The following MCTP2 variants were observed in gnomAD, a reference collection of about 807,000 sequenced individuals.
MCTP2 encodes multiple C2 and transmembrane domain containing 2.
Under a neutral mutation model 111.6 loss-of-function variants are expected in MCTP2, and 132 were observed. The ratio of observed to expected loss-of-function variants is 1.18; its 90% CI spans 1.03 to 1.37. MCTP2 has a LOEUF of 1.37. Ranked by LOEUF, MCTP2 falls within the 40% of genes most tolerant of loss-of-function variation. MCTP2 has a pLI of 0.00. For missense variants in MCTP2, 1,183 were observed against 1,067.9 expected (o/e 1.11, Z -1.50); for synonymous variants, 395 against 387.7 (o/e 1.02, Z -0.22).
intron 12 of MCTP2, among the ~76,000 whole-genome samples, chr15:94,375,909 G>A (rs938754412): frequency 5.9e-5 from 9 of 151,974 alleles, no homozygotes; most frequent in Non-Finnish European, 8.8e-5. Flanking sequence ...TAGCTTCCTC[G>A]ACCACTTTTT....
intron 20 of MCTP2, among the ~76,000 whole-genome samples, chr15:94,464,265 ATAT>A (rs2085445396): frequency 2.4e-5 from 2 of 84,996 alleles, no homozygotes; most frequent in Non-Finnish European, 4.7e-5. Flanking sequence ...TATTATATAT[ATAT>A]ATATATATAT....
intron 1 of MCTP2, among the ~76,000 whole-genome samples, chr15:94,288,324 T>G (rs995588135): frequency 6.6e-6 from 1 of 152,222 alleles, no homozygotes; most frequent in African/African-American, 2.4e-5. Flanking sequence ...TGTGGACTCA[T>G]GGACTCATCC....
chr15:94,340,501 G>A (rs1329558452), intron 6 of MCTP2, among the ~76,000 whole-genome samples: 1 of 152,096 alleles, frequency 6.6e-6, no homozygotes, highest in African/African-American at 2.4e-5. Context: ...TCTAAAGTGT[G>A]TATTGGATTT....
intron 8 of MCTP2, among the ~76,000 whole-genome samples, chr15:94,352,047 A>C (rs1053092296): frequency 2.0e-5 from 3 of 152,280 alleles, no homozygotes; most frequent in Middle Eastern, 6.8e-3. Context: ...TCACATCACT[A>C]TCTCCCCAGC....
chr15:94,392,343 G>GT, intron 14 of MCTP2, among the ~76,000 whole-genome samples: 1 of 151,710 alleles, frequency 6.6e-6, no homozygotes, highest in East Asian at 1.9e-4. Flanking sequence ...CTGCACTCCA[G>GT]CCTGTGTGAC....
rs11429762 is a variant in MCTP2, at chr15:94,364,067, T to TAA, written c.1302-3528_1302-3527dup. On this transcript the variant is annotated intron_variant, in intron 10 of 22. Coordinates refer to ENST00000357742, the MANE Select transcript of MCTP2 (RefSeq NM_001385001.1). Reference sequence around the variant, plus strand: ...TGTCGTGAGTTAAAAAAATTTACATTAAAAAAAAAAAGACGTGTAATTCAC... The same window carrying TAA: ...TGTCGTGAGTTAAAAAAATTTACATTAAAAAAAAAAAAAGACGTGTAATTCAC... Among the ~76,000 whole-genome samples, 325 of 147,574 alleles carry TAA rather than the reference T, an allele frequency of 2.2e-3. 1 individual carries two copies. Among genetic ancestry groups the TAA allele is most frequent in the African/African-American group, 5.2e-3 (209 of 40,242 alleles).
intron 1 of MCTP2, among the ~76,000 whole-genome samples, chr15:94,280,278 A>G (rs1200857816): frequency 2.0e-5 from 3 of 151,878 alleles, no homozygotes; most frequent in Non-Finnish European, 4.4e-5. Flanking sequence ...TAGTGATTCA[A>G]TTTCAGAACT....
intron 17 of MCTP2, among the ~76,000 whole-genome samples, chr15:94,438,258 A>G (rs954725260): frequency 1.3e-5 from 2 of 152,150 alleles, no homozygotes; most frequent in African/African-American, 4.8e-5. Flanking sequence ...GAAAAGAACT[A>G]TAAAACATAC....
At chr15:94,236,377 C>CATTTTTTTTTTTTTTTTT (rs1555437440) in intron 1 of MCTP2, among the ~76,000 whole-genome samples, 1 of 72,464 alleles carries the variant, frequency 1.4e-5, no homozygotes, top group Non-Finnish European at 2.5e-5. Flanking sequence ...TCTTTTTTTT[C>CATTTTTTTTTTTTTTTTT]TTTTTTTTTT....
intron 8 of MCTP2, among the ~76,000 whole-genome samples, chr15:94,347,138 G>C (rs549061952): frequency 1.3e-5 from 2 of 152,282 alleles, no homozygotes; most frequent in East Asian, 3.9e-4. Context: ...AGAATGTACA[G>C]TTTTAAAGAG....
chr15:94,237,716 A>G (rs1417569305), intron 1 of MCTP2, among the ~76,000 whole-genome samples: 1 of 152,182 alleles, frequency 6.6e-6, no homozygotes, highest in Admixed American at 6.5e-5. Context: ...TTAAAGCTAG[A>G]TCTTTTTCTT....
At chr15:94,317,890 CAA>C (rs959069658) in intron 4 of MCTP2, among the ~76,000 whole-genome samples, 6 of 151,690 alleles carry the variant, frequency 4.0e-5, no homozygotes, top group African/African-American at 1.2e-4. Context: ...TTTTTTTAAT[CAA>C]AGTCATAATT....
chr15:94,398,813 A>C (rs905212029), intron 14 of MCTP2, 148 bp from the exon 15 acceptor site: 2 of 540,626 alleles, frequency 3.7e-6, no homozygotes, highest in Non-Finnish European at 6.7e-6. Flanking sequence ...GTAAAAGGCG[A>C]TTTATGGTGG....
intron 17 of MCTP2, among the ~76,000 whole-genome samples, chr15:94,415,447 G>C (rs868318223): frequency 2.6e-5 from 4 of 152,080 alleles, no homozygotes; most frequent in African/African-American, 9.7e-5. Context: ...TAGTGAAAAC[G>C]ACAGCATCTC....
chr15:94,466,494 C>T lies in MCTP2; in HGVS notation c.2361-3839C>T, dbSNP rs140068228. 5.9e-4 allele frequency among the ~76,000 whole-genome samples: 90 copies of T among 152,228 alleles called. 1 individual carries two copies. Among genetic ancestry groups the T allele is most frequent in the Admixed American group, 1.2e-3 (18 of 15,290 alleles). ...GCATAAACTGAAATGATAGATTTCT[C>T]CACTTAGCACCGAGGGCATGATTTA... On this transcript the variant is annotated intron_variant, in intron 20 of 22. Coordinates refer to ENST00000357742, the MANE Select transcript of MCTP2 (RefSeq NM_001385001.1).
At chr15:94,350,426 A>G (rs2078242333) in intron 8 of MCTP2, among the ~76,000 whole-genome samples, 1 of 152,144 alleles carries the variant, frequency 6.6e-6, no homozygotes, top group African/African-American at 2.4e-5. Flanking sequence ...TGTCTCTACT[A>G]AAAATACAAA....
intron 17 of MCTP2, among the ~76,000 whole-genome samples, chr15:94,435,095 C>T (rs2083398950): frequency 6.6e-6 from 1 of 152,112 alleles, no homozygotes; most frequent in South Asian, 2.1e-4. Context: ...AAACTCTTGA[C>T]TTCAGGTGAT....
At chr15:94,308,761 C>G (rs2075999051) in intron 2 of MCTP2, among the ~76,000 whole-genome samples, 1 of 152,108 alleles carries the variant, frequency 6.6e-6, no homozygotes, top group Non-Finnish European at 1.5e-5. Context: ...AGGCCTCTGT[C>G]ACAACTACTC....
intron 1 of MCTP2, chr15:94,278,113 T>A (rs1348341759): frequency 6.6e-6 from 1 of 152,152 alleles, no homozygotes; most frequent in Non-Finnish European, 1.5e-5. Flanking sequence ...TGTAAATTAA[T>A]TGCCAATCAG....
Sources: allele counts gnomAD v4.1 joint callset (sites outside exome capture counted in the v4.1 genomes callset), GRCh38; gene constraint gnomAD v4.1.1; transcripts MANE v1.5; gene names NCBI Gene and HGNC (gene_info 2026-07-23, HGNC 2026-07-21).